DEPDC1B: variants seen among roughly 807,000 people sequenced by gnomAD.
DEPDC1B encodes the protein DEP domain containing 1B, also known as DEP domain-containing protein 1B.
A neutral mutation model predicts 66.5 loss-of-function variants in DEPDC1B; 51 were observed. The observed-to-expected ratio is 0.77, with a 90% CI of 0.61 to 0.97. DEPDC1B has a LOEUF of 0.97. DEPDC1B is among the 50% of genes least tolerant of loss of function. The pLI is 0.00. For missense variants in DEPDC1B, 552 were observed against 637.1 expected (o/e 0.87, Z 1.44); for synonymous variants, 226 against 223.6 (o/e 1.01, Z -0.10).
At chr5:60,653,049 C>T (rs182904408) in intron 2 of DEPDC1B, among the ~76,000 whole-genome samples, 8 of 149,314 alleles carry the variant, frequency 5.4e-5, no homozygotes, top group Admixed American at 4.6e-4. Flanking sequence ...TTTGCAACTG[C>T]AAATTGTGCT....
At chr5:60,619,988 T>C (rs1348957911) in intron 7 of DEPDC1B, among the ~76,000 whole-genome samples, 1 of 152,048 alleles carries the variant, frequency 6.6e-6, no homozygotes, top group Admixed American at 6.5e-5. Flanking sequence ...TAATGCCACA[T>C]ATCTACAACT....
At chr5:60,643,428 A>C (rs1334876215) in intron 5 of DEPDC1B, among the ~76,000 whole-genome samples, 2 of 152,216 alleles carry the variant, frequency 1.3e-5, no homozygotes, top group Non-Finnish European at 2.9e-5. Context: ...AAAAAATCCC[A>C]GCTGAACCAT....
chr5:60,624,240 T>A (rs1307845673), intron 7 of DEPDC1B, among the ~76,000 whole-genome samples: 1 of 152,212 alleles, frequency 6.6e-6, no homozygotes, highest in Admixed American at 6.5e-5. Context: ...TCTGCAATCG[T>A]TGAGATGGTC....
At chr5:60,686,914 A>C in intron 2 of DEPDC1B, 48 bp downstream of exon 2, 3 of 1,600,858 alleles carry the variant, frequency 1.9e-6, no homozygotes, top group Non-Finnish European at 2.6e-6. Flanking sequence ...GACCAGATTC[A>C]CTCATCTCCC....
intron 2 of DEPDC1B, among the ~76,000 whole-genome samples, chr5:60,665,195 G>A (rs538321176): frequency 6.6e-4 from 101 of 152,138 alleles, no homozygotes; most frequent in Non-Finnish European, 1.3e-3. Flanking sequence ...GCTAGCCACC[G>A]AAGAAGAAAA....
chr5:60,623,336 T>C (rs1752748641), intron 7 of DEPDC1B, among the ~76,000 whole-genome samples: 1 of 152,142 alleles, frequency 6.6e-6, no homozygotes, highest in Non-Finnish European at 1.5e-5. Flanking sequence ...CCTAAATATC[T>C]ATCCTTATGC....
chr5:60,622,904 A>G (rs776430619), intron 7 of DEPDC1B, among the ~76,000 whole-genome samples: 13 of 151,966 alleles, frequency 8.6e-5, no homozygotes, highest in Non-Finnish European at 1.3e-4. Context: ...TATCCTAGTT[A>G]TAAGTATTTT....
intron 1 of DEPDC1B, among the ~76,000 whole-genome samples, chr5:60,694,190 G>A (rs1754608578): frequency 6.6e-6 from 1 of 152,116 alleles, no homozygotes; most frequent in Non-Finnish European, 1.5e-5. Context: ...CTTTGTAGGT[G>A]TGTCATTTAT....
At chr5:60,667,390 AT>A (rs1753867053) in intron 2 of DEPDC1B, among the ~76,000 whole-genome samples, 2 of 149,108 alleles carry the variant, frequency 1.3e-5, no homozygotes, top group African/African-American at 4.9e-5. Flanking sequence ...TATACAAAAA[AT>A]GGATATTTTA....
At chr5:60,640,418 T>G (rs562437447) in intron 6 of DEPDC1B, among the ~76,000 whole-genome samples, 1 of 152,332 alleles carries the variant, frequency 6.6e-6, no homozygotes, top group African/African-American at 2.4e-5. Context: ...AATCAGTGCA[T>G]GGTGAGCCCT....
At chr5:60,653,420 T>C (rs987880806) in intron 2 of DEPDC1B, among the ~76,000 whole-genome samples, 4 of 152,134 alleles carry the variant, frequency 2.6e-5, no homozygotes, top group Admixed American at 2.0e-4. Flanking sequence ...TGTCTACTCA[T>C]GTCCTTAGCC....
chr5:60,698,671 T>TA (rs201961404), intron 1 of DEPDC1B, among the ~76,000 whole-genome samples: 2,663 of 147,668 alleles, frequency 0.018, 87 homozygotes, highest in African/African-American at 0.061. Context: ...TCCTTATTAT[T>TA]TTTTTTTTTT....
intron 1 of DEPDC1B, among the ~76,000 whole-genome samples, chr5:60,696,388 T>G (rs1754655345): frequency 6.6e-6 from 1 of 152,218 alleles, no homozygotes; most frequent in South Asian, 2.1e-4. Flanking sequence ...GCATTTATCA[T>G]TATGGGTTAT....
chr5:60,676,468 G>A (rs995453247), intron 2 of DEPDC1B, among the ~76,000 whole-genome samples: 10 of 151,932 alleles, frequency 6.6e-5, no homozygotes, highest in South Asian at 4.2e-4. Context: ...ACTATGCCTC[G>A]CTTTAATAAC....
chr5:60,618,884 C>A (rs1334620434), intron 7 of DEPDC1B, among the ~76,000 whole-genome samples: 2 of 152,182 alleles, frequency 1.3e-5, no homozygotes, highest in Non-Finnish European at 2.9e-5. Flanking sequence ...ATGAACAAAT[C>A]CTCAATAAAG....
intron 2 of DEPDC1B, among the ~76,000 whole-genome samples, chr5:60,681,533 A>T (rs1754296354): frequency 6.6e-6 from 1 of 152,226 alleles, no homozygotes; most frequent in Non-Finnish European, 1.5e-5. Context: ...AATCCATAAA[A>T]CTAGAAGAAG....
At chr5:60,640,674 T>C (rs1385728784) in intron 6 of DEPDC1B, among the ~76,000 whole-genome samples, 1 of 152,240 alleles carries the variant, frequency 6.6e-6, no homozygotes, top group East Asian at 1.9e-4. Context: ...CAGGCCCATG[T>C]GCACACGGGT....
At chr5:60,669,910 AT>A (rs1753989193) in intron 2 of DEPDC1B, among the ~76,000 whole-genome samples, 2 of 152,184 alleles carry the variant, frequency 1.3e-5, no homozygotes, top group South Asian at 4.1e-4. Flanking sequence ...TGACTTAAAA[AT>A]ATATACATAT....
chr5:60,666,006 T>G (rs1753830212), intron 2 of DEPDC1B, among the ~76,000 whole-genome samples: 1 of 152,120 alleles, frequency 6.6e-6, no homozygotes, highest in African/African-American at 2.4e-5. Context: ...CTGTTTTCAC[T>G]CTATTAAATC....
Sources: allele counts gnomAD v4.1 joint callset (sites outside exome capture counted in the v4.1 genomes callset), GRCh38; gene constraint gnomAD v4.1.1; transcripts MANE v1.5; gene names NCBI Gene and HGNC (gene_info 2026-07-23, HGNC 2026-07-21).